Variants in OPCML observed in about 807,000 individuals in gnomAD.
OPCML encodes opioid-binding protein/cell adhesion molecule.
In OPCML, 13 loss-of-function variants were observed where a neutral mutation model predicts 37.8. That is an observed-to-expected ratio of 0.34 (90% CI 0.22 to 0.55). The LOEUF is 0.55. Ranked by LOEUF, OPCML falls within the 20% of genes least tolerant of loss-of-function variation. The pLI, the probability that OPCML is intolerant of heterozygous loss-of-function variation, is 0.91. For missense variants in OPCML, 341 were observed against 435.6 expected, an observed-to-expected ratio of 0.78 and a Z score of 1.93; for synonymous variants, 176 against 168.8, an observed-to-expected ratio of 1.04 and a Z score of -0.33.
At chr11:132,621,078 G>T (rs1939378503) in intron 3 of OPCML, among the ~76,000 whole-genome samples, 1 of 152,228 alleles carries the variant, frequency 6.6e-6, no homozygotes, top group Non-Finnish European at 1.5e-5. Flanking sequence ...TTGAAGGATT[G>T]GTGCATTTAA....
At chr11:133,098,759 A>G (rs545787172) in intron 1 of OPCML, among the ~76,000 whole-genome samples, 228 of 152,320 alleles carry the variant, frequency 1.5e-3, no homozygotes, top group Non-Finnish European at 2.6e-3. Context: ...AAAATTAAGA[A>G]TAAGTCAGAG....
At chr11:133,006,425 C>A in intron 1 of OPCML, 10 of 985,122 alleles carry the variant, frequency 1.0e-5, no homozygotes, top group Non-Finnish European at 1.2e-5. Flanking sequence ...GAAAAAAAGT[C>A]CTGCAACAAC....
At chr11:132,829,426 T>C (rs1940555036) in intron 2 of OPCML, among the ~76,000 whole-genome samples, 1 of 152,034 alleles carries the variant, frequency 6.6e-6, no homozygotes, top group African/African-American at 2.4e-5. Flanking sequence ...ACTGAATGAG[T>C]CAATTAATGA....
intron 2 of OPCML, among the ~76,000 whole-genome samples, chr11:132,807,678 A>G (rs1165433343): frequency 6.6e-6 from 1 of 152,174 alleles, no homozygotes; most frequent in Non-Finnish European, 1.5e-5. Flanking sequence ...CTGAAGGGAA[A>G]TCAAGGAATC....
At chr11:132,704,887 A>G (rs1013720394) in intron 2 of OPCML, among the ~76,000 whole-genome samples, 7 of 152,238 alleles carry the variant, frequency 4.6e-5, no homozygotes, top group African/African-American at 1.7e-4. Flanking sequence ...ATAATAAAGT[A>G]AAACATGGTT....
At chr11:132,766,500 A>G (rs1376963823) in intron 2 of OPCML, among the ~76,000 whole-genome samples, 1 of 152,152 alleles carries the variant, frequency 6.6e-6, no homozygotes, top group Non-Finnish European at 1.5e-5. Context: ...TGAGTCCAGG[A>G]CATATCAGAC....
At chr11:132,583,916 T>A (rs953310332) in intron 3 of OPCML, among the ~76,000 whole-genome samples, 4 of 152,174 alleles carry the variant, frequency 2.6e-5, no homozygotes, top group African/African-American at 9.6e-5. Context: ...GCCCGGCCTA[T>A]AGGCTGATTT....
At chr11:133,391,977 A>G (rs1052988236) in intron 1 of OPCML, among the ~76,000 whole-genome samples, 9 of 152,232 alleles carry the variant, frequency 5.9e-5, no homozygotes, top group African/African-American at 2.2e-4. Flanking sequence ...ACCCAGTGCC[A>G]AAGTCCATAA....
At chr11:133,404,322 A>G (rs1179375002) in intron 1 of OPCML, among the ~76,000 whole-genome samples, 20 of 152,266 alleles carry the variant, frequency 1.3e-4, no homozygotes, top group Non-Finnish European at 1.0e-4. Flanking sequence ...ATAAGGTCAC[A>G]TTCGCAGGCG....
chr11:133,029,102 C>G (rs1315294495), intron 1 of OPCML, among the ~76,000 whole-genome samples: 1 of 152,056 alleles, frequency 6.6e-6, no homozygotes, highest in Non-Finnish European at 1.5e-5. Context: ...CACCAACAAG[C>G]ATATGAAAAA....
At chr11:133,475,688 T>C (rs1229388986) in intron 1 of OPCML, among the ~76,000 whole-genome samples, 1 of 151,934 alleles carries the variant, frequency 6.6e-6, no homozygotes, top group African/African-American at 2.4e-5. Context: ...AGCAGGAGAG[T>C]TGACTGCTGA....
intron 1 of OPCML, among the ~76,000 whole-genome samples, chr11:133,288,287 A>T (rs1942361157): frequency 5.9e-5 from 9 of 152,092 alleles, no homozygotes; most frequent in Non-Finnish European, 1.5e-5. Context: ...TGCTTCCTGG[A>T]GACTTAGCAG....
At chr11:132,952,843 G>A (rs975542913) in intron 1 of OPCML, among the ~76,000 whole-genome samples, 3 of 152,202 alleles carry the variant, frequency 2.0e-5, no homozygotes, top group African/African-American at 4.8e-5. Flanking sequence ...CCATGATGGG[G>A]GATAGTCAAT....
At chr11:132,497,007 T>G (rs1418833541) in intron 4 of OPCML, among the ~76,000 whole-genome samples, 1 of 152,122 alleles carries the variant, frequency 6.6e-6, no homozygotes, top group African/African-American at 2.4e-5. Context: ...TCAGTATGTC[T>G]CTGTGTGTGT....
intron 1 of OPCML, among the ~76,000 whole-genome samples, chr11:132,994,011 C>T (rs910498435): frequency 6.6e-6 from 1 of 152,240 alleles, no homozygotes; most frequent in African/African-American, 2.4e-5. Flanking sequence ...CGCAGGGAGA[C>T]GTCTGGATGT....
At chr11:133,227,232 G>A (rs1431034917) in intron 1 of OPCML, among the ~76,000 whole-genome samples, 2 of 152,064 alleles carry the variant, frequency 1.3e-5, no homozygotes, top group East Asian at 1.9e-4. Context: ...CACCCCAGCC[G>A]CACCCTGCAC....
chr11:132,908,563 C>T (rs1451087606), intron 2 of OPCML, among the ~76,000 whole-genome samples: 1 of 152,194 alleles, frequency 6.6e-6, no homozygotes, highest in Non-Finnish European at 1.5e-5. Context: ...CACAGGCACT[C>T]CCTTGTGCAA....
intron 1 of OPCML, among the ~76,000 whole-genome samples, chr11:133,222,405 C>T (rs1939875057): frequency 1.3e-5 from 2 of 152,204 alleles, no homozygotes; most frequent in South Asian, 2.1e-4. Context: ...GTTTTAAAGG[C>T]AAAGCCAACA....
chr11:133,236,408 C>G (rs570027035), intron 1 of OPCML, among the ~76,000 whole-genome samples: 1 of 152,266 alleles, frequency 6.6e-6, no homozygotes, highest in South Asian at 2.1e-4. Context: ...TTTCAGGCCA[C>G]AATTGACCAT....
Sources: gnomAD v4.1 joint callset for allele counts (sites outside exome capture counted in the v4.1 genomes callset) on GRCh38, gnomAD v4.1.1 for gene constraint, MANE v1.5 for transcripts, NCBI Gene and HGNC (gene_info 2026-07-23, HGNC 2026-07-21) for gene names.